Variants in SV2B observed in about 807,000 individuals in gnomAD.
SV2B encodes the protein solute carrier family 22 member B2.
A neutral mutation model predicts 73.9 loss-of-function variants in SV2B; 41 were observed. The observed-to-expected ratio is 0.56, with a 90% CI of 0.43 to 0.72. The LOEUF (loss-of-function observed/expected upper bound fraction) is 0.72. SV2B is among the 30% of genes least tolerant of loss of function. The pLI, the probability that SV2B is intolerant of heterozygous loss-of-function variation, is 0.00. For synonymous variants in SV2B, 314 were observed against 314.2 expected (o/e 1.00, Z 0.01); for missense variants, 764 against 857.8 (o/e 0.89, Z 1.37).
chr15:91,186,554 T>C (rs1247577981), intron 1 of SV2B, among the ~76,000 whole-genome samples: 1 of 152,186 alleles, frequency 6.6e-6, no homozygotes. Flanking sequence ...ATCAACAAGT[T>C]GTAGGGTTAC....
chr15:91,172,608 G>A (rs544143213), intron 1 of SV2B, among the ~76,000 whole-genome samples: 2 of 152,172 alleles, frequency 1.3e-5, no homozygotes, highest in Non-Finnish European at 2.9e-5. Context: ...CTCCTTCCAG[G>A]AAGTCTCCCG....
chr15:91,252,419 C>T lies in SV2B; in HGVS notation c.683C>T (p.Ser228Phe). ...IVFAYFSEFL[S>F]REKRGEHLSW... ...TTTGCCTATTTTTCTGAATTCTTGT[C>T]TCGGGAGAAGCGAGGAGAACACCTC... is the stretch of plus-strand genomic sequence containing the variant. Residue 228 changes from serine (S) to phenylalanine (F), a missense_variant, in exon 4 of 13, where the codon TCT (serine) becomes TTT (phenylalanine). Coordinates refer to ENST00000394232, the MANE Select transcript of SV2B (RefSeq NM_001323032.3). The surrounding 1 kb of genome is among the most constrained non-coding windows in gnomAD (Gnocchi z 4.6). The T allele has an allele frequency of 6.2e-7, 1 of 1,613,538 alleles. No homozygotes were observed. The highest frequency in any genetic ancestry group is 1.3e-5 in the African/African-American group (1 of 74,998).
At chr15:91,193,384 C>A (rs997844171) in intron 1 of SV2B, among the ~76,000 whole-genome samples, 2 of 152,160 alleles carry the variant, frequency 1.3e-5, no homozygotes, top group East Asian at 3.8e-4. Context: ...TTGCTTTGCC[C>A]TGACATTGCC....
rs937237347 is a variant in SV2B, at chr15:91,289,060, T to A, written c.1709-461T>A. On this transcript the variant is annotated intron_variant, in intron 11 of 12. Coordinates refer to ENST00000394232, the MANE Select transcript of SV2B (RefSeq NM_001323032.3). The surrounding 1 kb of genome is among the most constrained non-coding windows in gnomAD (Gnocchi z 4.9). ...TTGATGGCCACTTAGGTTGACTCCA[T>A]ATTTTGACTATTGTGAATATTGCTA... 1.1e-4 allele frequency among the ~76,000 whole-genome samples: 17 copies of A among 152,234 alleles called. No individual in the cohort carries two copies. The highest frequency in any genetic ancestry group is 2.1e-4 in the Non-Finnish European group (14 of 68,042).
chr15:91,276,535 T>C (rs2048494495), intron 9 of SV2B, among the ~76,000 whole-genome samples: 1 of 152,028 alleles, frequency 6.6e-6, no homozygotes, highest in African/African-American at 2.4e-5. Context: ...ATTTTGGTAA[T>C]ATTTTTTGAG....
At position 91,289,215 on chromosome 15, in the gene SV2B, C is replaced by A. The variant is rs1329446071; in HGVS notation, c.1709-306C>A. Among the ~76,000 whole-genome samples the A allele has an allele frequency of 6.6e-6, 1 of 152,192 alleles. No homozygotes were observed. Among genetic ancestry groups the A allele is most frequent in the African/African-American group, 2.4e-5 (1 of 41,460 alleles). On this transcript the variant is annotated intron_variant, in intron 11 of 12. Coordinates refer to ENST00000394232, the MANE Select transcript of SV2B (RefSeq NM_001323032.3). The surrounding 1 kb of genome is among the most constrained non-coding windows in gnomAD (Gnocchi z 4.9). ...AACAATGTCTGGTACATAATAGATT[C>A]TCAACAAATGCCCCTATCTGCCCCG... is the stretch of plus-strand genomic sequence containing the variant.
chr15:91,255,478 G>A (rs1180360839), intron 4 of SV2B, among the ~76,000 whole-genome samples: 1 of 152,170 alleles, frequency 6.6e-6, no homozygotes, highest in Non-Finnish European at 1.5e-5. Flanking sequence ...GGAAAGGGTG[G>A]GAAGGGGGTG....
chr15:91,293,776 T>C lies in SV2B; in HGVS notation c.*1224T>C, dbSNP rs1054965553. The C allele has an allele frequency of 2.0e-5, 3 of 152,252 alleles. No homozygotes were observed. The highest frequency in any genetic ancestry group is 7.2e-5 in the African/African-American group (3 of 41,456). 9.4% of individuals were successfully genotyped at this position (152,252 alleles called of 1,614,324 possible). A position where few individuals can be genotyped will look rare whatever the true frequency, so the allele number is the denominator to read the frequency against. On this transcript the variant is annotated 3_prime_UTR_variant, in exon 13 of 13. Coordinates refer to ENST00000394232, the MANE Select transcript of SV2B (RefSeq NM_001323032.3). ...CAGGTCTCATGAGAAATCTATGCTA[T>C]GTGTCCAGAGCTTTTGAAACAGAGT... is the stretch of plus-strand genomic sequence containing the variant.
At chr15:91,204,171 C>A (rs1197513242) in intron 1 of SV2B, among the ~76,000 whole-genome samples, 1 of 152,180 alleles carries the variant, frequency 6.6e-6, no homozygotes, top group African/African-American at 2.4e-5. Flanking sequence ...CCCTCTGACC[C>A]TGCTATGTCC....
chr15:91,111,015 C>G (rs1023302952), intron 1 of SV2B, among the ~76,000 whole-genome samples: 3 of 152,110 alleles, frequency 2.0e-5, no homozygotes, highest in Non-Finnish European at 4.4e-5. Context: ...GCTGAGCCAG[C>G]TTCTCCTATT....
chr15:91,165,512 A>G (rs191837765), intron 1 of SV2B, among the ~76,000 whole-genome samples: 1 of 152,322 alleles, frequency 6.6e-6, no homozygotes, highest in Admixed American at 6.5e-5. Context: ...CATAGGTTAT[A>G]TACAAATATC....
chr15:91,238,859 G>A (rs1333670245), intron 2 of SV2B, among the ~76,000 whole-genome samples: 1 of 152,074 alleles, frequency 6.6e-6, no homozygotes, highest in South Asian at 2.1e-4. Flanking sequence ...AGAATTTCCC[G>A]CATCCCTTCC....
At position 91,253,507 on chromosome 15, in the gene SV2B, A is replaced by G. The variant is rs1000689161; in HGVS notation, c.784+987A>G. On this transcript the variant is annotated intron_variant, in intron 4 of 12. Transcript: ENST00000394232. The surrounding 1 kb of genome is among the most constrained non-coding windows in gnomAD (Gnocchi z 5.0). Reference sequence around the variant, plus strand: ...AGTTAAGGTGTTGGACACTGGGTACATTACCTTGACAAGCTGATAAACCCT... The same window carrying G: ...AGTTAAGGTGTTGGACACTGGGTACGTTACCTTGACAAGCTGATAAACCCT... Among the ~76,000 whole-genome samples the G allele has an allele frequency of 1.3e-5, 2 of 152,228 alleles. No individual in the cohort carries two copies. Among genetic ancestry groups the G allele is most frequent in the Admixed American group, 1.3e-4 (2 of 15,284 alleles).
chr15:91,109,679 CGAAGGGACCCTA>C (rs1201328482), intron 1 of SV2B, among the ~76,000 whole-genome samples: 2 of 152,132 alleles, frequency 1.3e-5, no homozygotes, highest in South Asian at 2.1e-4. Flanking sequence ...TTTCAGAGCT[CGAAGGGACCCTA>C]GAAAGCGGGG....
At chr15:91,163,887 A>G (rs2043816123) in intron 1 of SV2B, among the ~76,000 whole-genome samples, 1 of 152,072 alleles carries the variant, frequency 6.6e-6, no homozygotes, top group African/African-American at 2.4e-5. Context: ...TAGGGTTTTT[A>G]TGGTTTTAGG....
Position 91,129,602 on chromosome 15 carries a change from G to A in SV2B, c.-392+29239G>A, listed in dbSNP as rs1274241356. Among the ~76,000 whole-genome samples, 1 of 152,232 alleles carries A rather than the reference G, an allele frequency of 6.6e-6. No individual in the cohort carries two copies. The highest frequency in any genetic ancestry group is 1.5e-5 in the Non-Finnish European group (1 of 68,042). Reference sequence around the variant, plus strand: ...AGCACACTGGGCACAGACTAGGACTGCATCTGGTTGCCTCCAGATGGCTTT... The same window carrying A: ...AGCACACTGGGCACAGACTAGGACTACATCTGGTTGCCTCCAGATGGCTTT... On this transcript the variant is annotated intron_variant, in intron 1 of 12. Coordinates refer to ENST00000394232, the MANE Select transcript of SV2B (RefSeq NM_001323032.3). The surrounding 1 kb of genome is among the most constrained non-coding windows in gnomAD (Gnocchi z 5.1).
At position 91,125,768 on chromosome 15, in the gene SV2B, C is replaced by A. The variant is rs190320810; in HGVS notation, c.-392+25405C>A. Among the ~76,000 whole-genome samples, 150 of 55,182 alleles carry A rather than the reference C, an allele frequency of 2.7e-3. 1 individual carries two copies. The highest frequency in any genetic ancestry group is 7.6e-3 in the African/African-American group (141 of 18,658). The allele number at this position is 55,182 out of a possible 152,430, so 36.2% of individuals were successfully genotyped here. A position where few individuals can be genotyped will look rare whatever the true frequency, so the allele number is the denominator to read the frequency against. ...CTGGCCTGGGTGACAAAGTGAGACC[C>A]TGTCTCAAGGGGCAAAAAAAAAAAA... On this transcript the variant is annotated intron_variant, in intron 1 of 12. Transcript: ENST00000394232.
rs1464738742 is a variant in SV2B at position 91,245,932 on chromosome 15, G to T, written c.452-5887G>T. ...ACAGAGACCATAGAAGATTGGCAAA[G>T]TACATTTTACAAGTAAAATATCTAT... On this transcript the variant is annotated intron_variant, in intron 2 of 12. Transcript: ENST00000394232. The surrounding 1 kb of genome is among the most constrained non-coding windows in gnomAD (Gnocchi z 4.2). Among the ~76,000 whole-genome samples, 2 of 152,080 alleles carry T rather than the reference G, an allele frequency of 1.3e-5. No individual in the cohort carries two copies. The highest frequency in any genetic ancestry group is 3.9e-4 in the East Asian group (2 of 5,166).
In SV2B at chr15:91,136,904, T is replaced by C. The variant is rs1037602163; in HGVS notation, c.-392+36541T>C. ...GGTAGCCAGCTTATTCCTGCTCTCCTGGTCAATGGCAACTTACCTTGACCG... is the reference window on the plus strand; with the variant it reads ...GGTAGCCAGCTTATTCCTGCTCTCCCGGTCAATGGCAACTTACCTTGACCG... On this transcript the variant is annotated intron_variant, in intron 1 of 12. Coordinates refer to ENST00000394232, the MANE Select transcript of SV2B (RefSeq NM_001323032.3). This position sits in a 1 kb window ranked among gnomAD's most constrained non-coding sequence, Gnocchi z 5.6. 6.6e-6 allele frequency among the ~76,000 whole-genome samples: 1 copy of C among 152,190 alleles called. No individual in the cohort carries two copies.
Sources: gnomAD v4.1 joint callset for allele counts (sites outside exome capture counted in the v4.1 genomes callset) on GRCh38, gnomAD v4.1.1 for gene constraint, Gnocchi (gnomAD v3.1) non-coding constraint, MANE v1.5 for transcripts, NCBI Gene and HGNC (gene_info 2026-07-23, HGNC 2026-07-21) for gene names.